COL28A1: variants seen among roughly 807,000 people sequenced by gnomAD.
COL28A1 encodes collagen alpha-1(XXVIII) chain.
Under a neutral mutation model 150.2 loss-of-function variants are expected in COL28A1, and 161 were observed. That is an observed-to-expected ratio of 1.07 (90% confidence interval 0.94 to 1.22). The LOEUF is 1.22. COL28A1 is among the 50% of genes most tolerant of loss of function. The pLI is 0.00. For missense variants in COL28A1, 1,617 were observed against 1,388.3 expected, an observed-to-expected ratio of 1.16 and a Z score of -2.62; for synonymous variants, 552 against 469.7, an observed-to-expected ratio of 1.18 and a Z score of -2.26.
chr7:7,417,487 G>C, intron 27 of COL28A1: 1 of 243,818 alleles, frequency 4.1e-6, no homozygotes, highest in Non-Finnish European at 7.5e-6. Flanking sequence ...GGTGAGGAAG[G>C]TAAGGGAAGG....
Position 7,440,871 on chromosome 7 carries a change from TA to T in COL28A1, c.1651-11del. 7.2e-7 allele frequency: 1 copy of T among 1,398,366 alleles called. No homozygotes were observed. The highest frequency in any genetic ancestry group is 1.0e-6 in the Non-Finnish European group (1 of 984,266). The allele number at this position is 1,398,366 out of a possible 1,614,324, so 86.6% of individuals were successfully genotyped here. On this transcript the variant is annotated splice_polypyrimidine_tract_variant and intron_variant, in intron 20 of 34. Coordinates refer to ENST00000399429, the MANE Select transcript of COL28A1 (RefSeq NM_001037763.3). ...TCTTGCCTTCGTCACCCTAACAAAA[TA>T]ATTATGAAAATATAGATTTTCGTAT... is the stretch of plus-strand genomic sequence containing the variant.
At chr7:7,519,058 T>C (rs906915186) in intron 6 of COL28A1, among the ~76,000 whole-genome samples, 1 of 152,202 alleles carries the variant, frequency 6.6e-6, no homozygotes, top group Non-Finnish European at 1.5e-5. Flanking sequence ...TATTAGGACA[T>C]TCTCATGCTG....
chr7:7,411,858 C>G (rs1469389269), intron 27 of COL28A1, among the ~76,000 whole-genome samples: 1 of 152,088 alleles, frequency 6.6e-6, no homozygotes, highest in Non-Finnish European at 1.5e-5. Flanking sequence ...CCTTATAAGC[C>G]CAGGTGTCTG....
intron 13 of COL28A1, among the ~76,000 whole-genome samples, chr7:7,478,606 T>C (rs1318561328): frequency 6.6e-6 from 1 of 152,200 alleles, no homozygotes. Context: ...CCGTGCTCCT[T>C]GGGGAGGCTC....
intron 15 of COL28A1, among the ~76,000 whole-genome samples, chr7:7,457,748 A>G (rs2128335652): frequency 6.6e-6 from 1 of 152,316 alleles, no homozygotes; most frequent in Admixed American, 6.5e-5. Flanking sequence ...AGAGAGACCA[A>G]GTGAAGAGAG....
At chr7:7,422,018 C>T (rs73674551) in intron 25 of COL28A1, among the ~76,000 whole-genome samples, 2,703 of 152,260 alleles carry the variant, frequency 0.018, 79 homozygotes, top group African/African-American at 0.061. Context: ...ATTAGCACTC[C>T]TTTCTTGAGT....
intron 27 of COL28A1, among the ~76,000 whole-genome samples, chr7:7,402,266 C>T (rs562348260): frequency 4.1e-4 from 63 of 152,238 alleles, no homozygotes; most frequent in South Asian, 2.1e-4. Flanking sequence ...CGCTTCTTCC[C>T]GTCAAGGCTT....
the COL28A1 span, among the ~76,000 whole-genome samples, chr7:7,543,568 T>G: frequency 6.6e-6 from 1 of 152,172 alleles, no homozygotes; most frequent in Non-Finnish European, 1.5e-5. Context: ...ATTACTAATG[T>G]GACATCACTG....
intron 27 of COL28A1, among the ~76,000 whole-genome samples, chr7:7,409,606 C>T (rs1368109197): frequency 6.6e-6 from 1 of 152,090 alleles, no homozygotes; most frequent in Non-Finnish European, 1.5e-5. Context: ...TTCAAATCTC[C>T]TTTTTAAATA....
Position 7,531,342 on chromosome 7 carries a change from A to C in COL28A1, c.681+6T>G. 1.6e-6 allele frequency: 2 copies of C among 1,283,030 alleles called. No homozygotes were observed. Among genetic ancestry groups the C allele is most frequent in the Non-Finnish European group, 2.2e-6 (2 of 908,826 alleles). 79.5% of individuals were successfully genotyped at this position (1,283,030 alleles called of 1,614,324 possible). On this transcript the variant is annotated splice_donor_region_variant and intron_variant, in intron 3 of 34. Coordinates refer to ENST00000399429, the MANE Select transcript of COL28A1 (RefSeq NM_001037763.3). ...TAACTGTATAATCAACCCATTAGGT[A>C]CCTACCAGACGATCTTGAATTTTAT...
intron 13 of COL28A1, among the ~76,000 whole-genome samples, chr7:7,485,152 T>C (rs998363578): frequency 6.6e-6 from 1 of 152,016 alleles, no homozygotes; most frequent in African/African-American, 2.4e-5. Context: ...AGAACACATA[T>C]TAAAGTTTAG....
rs572546769 is a variant in COL28A1 at position 7,373,949 on chromosome 7, T to A, written c.2360-403A>T. Among the ~76,000 whole-genome samples the A allele has an allele frequency of 6.7e-6, 1 of 149,280 alleles. No individual in the cohort carries two copies. Among genetic ancestry groups the A allele is most frequent in the Non-Finnish European group, 1.5e-5 (1 of 67,608 alleles). On this transcript the variant is annotated intron_variant, in intron 31 of 34. Transcript: ENST00000399429. This position sits in a 1 kb window ranked among gnomAD's most constrained non-coding sequence, Gnocchi z 4.1. ...CTCCTGACCTCGTGATATGCCCGCC[T>A]CGGCCTCCCAAAGTGCTGGGATTAC...
intron 27 of COL28A1, among the ~76,000 whole-genome samples, chr7:7,403,354 T>A (rs1783321702): frequency 6.6e-6 from 1 of 152,182 alleles, no homozygotes. Context: ...TTGAAGCTGA[T>A]CTCTTTGGGT....
Position 7,444,479 on chromosome 7 carries a change from C to A in COL28A1, c.1520G>T (p.Gly507Val). 6.2e-7 allele frequency: 1 copy of A among 1,613,774 alleles called. No homozygotes were observed. The highest frequency in any genetic ancestry group is 2.2e-5 in the East Asian group (1 of 44,874). Residue 507 changes from glycine to valine, a missense_variant, in exon 19 of 35, where the codon GGC becomes GTC. Physicochemically the swap from Gly to Val is moderately radical, Grantham distance 109. Coordinates refer to ENST00000399429, the MANE Select transcript of COL28A1 (RefSeq NM_001037763.3). ...TGGTTGTCCTGGGAGCCCTATTGAG[C>A]CTGGCTCTCCCTGGTGAATGAACAA... ...IGVQGPKGEPGSIGLPGQPGV... is the reference protein window; with the variant it reads ...IGVQGPKGEPVSIGLPGQPGV...
At chr7:7,521,764 A>G (rs1225548454) in intron 5 of COL28A1, 141 bp downstream of exon 5, 1 of 647,294 alleles carries the variant, frequency 1.5e-6, no homozygotes, top group Non-Finnish European at 2.8e-6. Flanking sequence ...AATAAAAGAA[A>G]GAAGTAGCAT....
chr7:7,344,470 G>A, the COL28A1 span, among the ~76,000 whole-genome samples: 597 of 152,056 alleles, frequency 3.9e-3, 1 homozygote, highest in Middle Eastern at 6.8e-3. Context: ...CCTACTTATA[G>A]TTAAGATTGA....
chr7:7,471,669 C>T (rs1446971328), intron 15 of COL28A1, among the ~76,000 whole-genome samples: 1 of 152,084 alleles, frequency 6.6e-6, no homozygotes, highest in African/African-American at 2.4e-5. Flanking sequence ...TCAAGGCAGG[C>T]AGATCACTTG....
intron 25 of COL28A1, among the ~76,000 whole-genome samples, chr7:7,425,118 A>T (rs904615446): frequency 2.0e-5 from 3 of 152,152 alleles, no homozygotes; most frequent in Non-Finnish European, 4.4e-5. Flanking sequence ...ATTATGCAGC[A>T]GGAAGTTTTC....
At chr7:7,338,567 G>A in the COL28A1 span, among the ~76,000 whole-genome samples, 1 of 152,084 alleles carries the variant, frequency 6.6e-6, no homozygotes, top group Non-Finnish European at 1.5e-5. Context: ...TACTGAAGAT[G>A]TTTATCAGGT....
Sources: allele counts gnomAD v4.1 joint callset (sites outside exome capture counted in the v4.1 genomes callset), GRCh38; gene constraint gnomAD v4.1.1; non-coding constraint Gnocchi (gnomAD v3.1); transcripts MANE v1.5; gene names NCBI Gene and HGNC (gene_info 2026-07-23, HGNC 2026-07-21).